The following ZNF618 variants were observed in gnomAD, a reference collection of about 807,000 sequenced individuals.
ZNF618 encodes the protein zinc finger protein 618.
ZNF618 carries 34 observed loss-of-function variants against 103.0 expected under a neutral mutation model. The observed-to-expected ratio is 0.33, with a 90% CI of 0.25 to 0.44. The LOEUF (loss-of-function observed/expected upper bound fraction) is 0.44, where lower values mean the gene tolerates loss of function less well. Among genes scored for constraint, ZNF618 ranks in the 20% least tolerant of loss-of-function variants. The pLI is 1.00. For synonymous variants in ZNF618, 551 were observed against 542.2 expected, an observed-to-expected ratio of 1.02 and a Z score of -0.23; for missense variants, 1,059 against 1,295.4, an observed-to-expected ratio of 0.82 and a Z score of 2.80.
intron 10 of ZNF618, among the ~76,000 whole-genome samples, chr9:114,023,824 C>G (rs1031365764): frequency 6.6e-6 from 1 of 152,002 alleles, no homozygotes; most frequent in Non-Finnish European, 1.5e-5. Context: ...AGAGATCATT[C>G]TGATTGTTAT....
intron 10 of ZNF618, among the ~76,000 whole-genome samples, chr9:114,027,483 C>T (rs1843616824): frequency 6.6e-6 from 1 of 152,240 alleles, no homozygotes; most frequent in Non-Finnish European, 1.5e-5. Context: ...CCTCACAGCT[C>T]ACCCCATGCA....
chr9:114,003,175 T>G (rs1433884686), intron 6 of ZNF618, among the ~76,000 whole-genome samples: 1 of 152,222 alleles, frequency 6.6e-6, no homozygotes, highest in Non-Finnish European at 1.5e-5. Flanking sequence ...TGCCCTGAGG[T>G]GCCATATCCC....
At chr9:113,929,191 TA>T (rs2131811347) in intron 1 of ZNF618, among the ~76,000 whole-genome samples, 1 of 152,300 alleles carries the variant, frequency 6.6e-6, no homozygotes, top group South Asian at 2.1e-4. Context: ...ATGACTCCCC[TA>T]AGACTGGACC....
chr9:114,033,349 G>A (rs1304231897), intron 12 of ZNF618, among the ~76,000 whole-genome samples: 2 of 151,896 alleles, frequency 1.3e-5, no homozygotes, highest in Non-Finnish European at 2.9e-5. Context: ...TTGCACCACT[G>A]CACTCCAGCC....
At chr9:113,985,603 C>A (rs1237063923) in intron 2 of ZNF618, among the ~76,000 whole-genome samples, 1 of 152,234 alleles carries the variant, frequency 6.6e-6, no homozygotes, top group Non-Finnish European at 1.5e-5. Context: ...AACCTACTGT[C>A]CTCCTGCTCA....
intron 1 of ZNF618, among the ~76,000 whole-genome samples, chr9:113,908,604 G>A (rs985099449): frequency 1.3e-5 from 2 of 152,206 alleles, no homozygotes; most frequent in African/African-American, 4.8e-5. Flanking sequence ...TGCTGTGTCT[G>A]ATGGGGAAGT....
At chr9:113,927,681 C>T (rs983910020) in intron 1 of ZNF618, among the ~76,000 whole-genome samples, 3 of 152,194 alleles carry the variant, frequency 2.0e-5, no homozygotes, top group Non-Finnish European at 4.4e-5. Context: ...ATTTCCCTTC[C>T]CCCATATCAA....
At chr9:113,964,108 T>C (rs1252857611) in intron 1 of ZNF618, among the ~76,000 whole-genome samples, 1 of 152,190 alleles carries the variant, frequency 6.6e-6, no homozygotes, top group Non-Finnish European at 1.5e-5. Flanking sequence ...ATCTTGAGCT[T>C]GGCTAGCTGA....
chr9:113,952,090 T>G (rs914101719), intron 1 of ZNF618, among the ~76,000 whole-genome samples: 3 of 152,204 alleles, frequency 2.0e-5, no homozygotes, highest in African/African-American at 7.2e-5. Context: ...TTTTTTCTTT[T>G]TTTAAGCCAG....
chr9:114,052,711 A>G lies in ZNF618; in HGVS notation c.*2544A>G, dbSNP rs1016293046. ...AGGTGAGAGCAGAGCCTGGGAGCCC[A>G]TCCTCCCTCTACTTGGAGCAAAGTT... is the stretch of plus-strand genomic sequence containing the variant. On this transcript the variant is annotated 3_prime_UTR_variant, in exon 15 of 15. Transcript: ENST00000374126. 2 of 152,222 alleles carry G rather than the reference A, an allele frequency of 1.3e-5. No homozygotes were observed. The highest frequency in any genetic ancestry group is 4.8e-5 in the African/African-American group (2 of 41,452). 9.4% of individuals were successfully genotyped at this position (152,222 alleles called of 1,614,324 possible). A position where few individuals can be genotyped will look rare whatever the true frequency, so the allele number is the denominator to read the frequency against.
intron 7 of ZNF618, among the ~76,000 whole-genome samples, chr9:114,007,965 C>T (rs551643144): frequency 6.6e-6 from 1 of 152,202 alleles, no homozygotes; most frequent in Admixed American, 6.5e-5. Context: ...CCACCTGTTA[C>T]CACTGGCCCA....
Position 113,988,418 on chromosome 9 carries a change from G to GAGGTGA in ZNF618, c.184_189dup (p.Val62_Lys63dup). ...GAGTGCCGAGCAAGGAACGATGACGGAGGTGAAGGTGAAGACAGAGCTGCC... is the reference window on the plus strand; with the variant it reads ...GAGTGCCGAGCAAGGAACGATGACGGAGGTGAAGGTGAAGGTGAAGACAGAGCTGCC... On this transcript the variant is annotated inframe_insertion, in exon 3 of 15. Coordinates refer to ENST00000374126, the MANE Select transcript of ZNF618 (RefSeq NM_001318042.2). 1.2e-6 allele frequency: 2 copies of GAGGTGA among 1,613,698 alleles called. No individual in the cohort carries two copies. Among genetic ancestry groups the GAGGTGA allele is most frequent in the Non-Finnish European group, 1.7e-6 (2 of 1,179,892 alleles).
chr9:113,893,717 G>C (rs1829804414), intron 1 of ZNF618, among the ~76,000 whole-genome samples: 1 of 151,900 alleles, frequency 6.6e-6, no homozygotes, highest in Admixed American at 6.6e-5. Flanking sequence ...GGTTGGTTCT[G>C]ATTTTCCACT....
chr9:114,036,731 T>G (rs1407974411), intron 13 of ZNF618, among the ~76,000 whole-genome samples: 1 of 152,100 alleles, frequency 6.6e-6, no homozygotes, highest in African/African-American at 2.4e-5. Context: ...TGGTTTGAGA[T>G]CAAGGTGAGC....
At chr9:113,964,377 AT>A (rs1161877899) in intron 1 of ZNF618, among the ~76,000 whole-genome samples, 1 of 152,174 alleles carries the variant, frequency 6.6e-6, no homozygotes, top group African/African-American at 2.4e-5. Flanking sequence ...GCGCCCCAGC[AT>A]TCTTTCCGCC....
At chr9:113,933,550 G>T (rs1449410749) in intron 1 of ZNF618, among the ~76,000 whole-genome samples, 2 of 152,190 alleles carry the variant, frequency 1.3e-5, no homozygotes, top group African/African-American at 4.8e-5. Context: ...GTGGAGAGCA[G>T]GTTGTTTGAG....
At chr9:113,888,008 C>G (rs1298600220) in intron 1 of ZNF618, among the ~76,000 whole-genome samples, 1 of 151,982 alleles carries the variant, frequency 6.6e-6, no homozygotes, top group Non-Finnish European at 1.5e-5. Flanking sequence ...TCTATTATCT[C>G]ATTTAAAACA....
At chr9:113,889,339 C>CTCTCTCTCTT (rs1829387552) in intron 1 of ZNF618, among the ~76,000 whole-genome samples, 1 of 150,904 alleles carries the variant, frequency 6.6e-6, no homozygotes, top group Non-Finnish European at 1.5e-5. Flanking sequence ...CTCTCTCTCT[C>CTCTCTCTCTT]TCTCTCTTTC....
rs557019699 is a variant in ZNF618 at position 113,909,625 on chromosome 9, G to A, written c.33+33212G>A. On this transcript the variant is annotated intron_variant, in intron 1 of 14. Coordinates refer to ENST00000374126, the MANE Select transcript of ZNF618 (RefSeq NM_001318042.2). Reference sequence around the variant, plus strand: ...CTAGCCCAAGCTTGAAGGTGCCACCGTCTCAGGGCCTGGGCTTGCTTGGGG... The same window carrying A: ...CTAGCCCAAGCTTGAAGGTGCCACCATCTCAGGGCCTGGGCTTGCTTGGGG... Among the ~76,000 whole-genome samples, 9 of 152,234 alleles carry A rather than the reference G, an allele frequency of 5.9e-5. No individual in the cohort carries two copies. The East Asian group carries it at 9.7e-4, about 16-fold the overall frequency.
Sources: gnomAD v4.1 joint callset for allele counts (sites outside exome capture counted in the v4.1 genomes callset) on GRCh38, gnomAD v4.1.1 for gene constraint, MANE v1.5 for transcripts, NCBI Gene and HGNC (gene_info 2026-07-23, HGNC 2026-07-21) for gene names.